Variants in SGCD observed in about 807,000 individuals in gnomAD.
SGCD encodes delta-sarcoglycan.
Under a neutral mutation model 36.6 loss-of-function variants are expected in SGCD, and 18 were observed. That is an observed-to-expected ratio of 0.49 (90% CI 0.34 to 0.73). The LOEUF (loss-of-function observed/expected upper bound fraction) is 0.73. SGCD is among the 30% of genes least tolerant of loss of function. The pLI, the probability that SGCD is intolerant of heterozygous loss-of-function variation, is 0.01. For synonymous variants in SGCD, 133 were observed against 130.6 expected (o/e 1.02, Z -0.12); for missense variants, 387 against 346.7 (o/e 1.12, Z -0.92).
chr5:155,878,434 GT>G (rs1201998271), intron 1 of SGCD, among the ~76,000 whole-genome samples: 41 of 149,100 alleles, frequency 2.7e-4, no homozygotes, highest in South Asian at 8.5e-4. Flanking sequence ...GGGACATCCA[GT>G]TTTTTTTTTC....
intron 3 of SGCD, among the ~76,000 whole-genome samples, chr5:156,229,277 C>CATATACATATATATATATATATATATAT: frequency 1.8e-5 from 1 of 56,502 alleles, no homozygotes; most frequent in African/African-American, 8.0e-5. Context: ...TATATACATA[C>CATATACATATATATATATATATATATAT]ATATATATAT....
At chr5:156,406,036 G>T (rs6881353) in intron 3 of SGCD, among the ~76,000 whole-genome samples, 103,025 of 134,804 alleles carry the variant, frequency 0.76, 40,378 homozygotes, top group African/African-American at 0.92. Flanking sequence ...AAAAAAAAAG[G>T]CCTCTGGGCA....
At chr5:156,610,222 G>T (rs920935996) in intron 6 of SGCD, among the ~76,000 whole-genome samples, 1 of 152,120 alleles carries the variant, frequency 6.6e-6, no homozygotes, top group African/African-American at 2.4e-5. Flanking sequence ...TGGGGTTTTG[G>T]TGTGGATGTC....
the SGCD span, among the ~76,000 whole-genome samples, chr5:155,860,467 C>G: frequency 6.6e-6 from 1 of 152,122 alleles, no homozygotes; most frequent in Non-Finnish European, 1.5e-5. Context: ...GTTACTTTTC[C>G]TAAATATTCT....
At chr5:156,077,003 A>C (rs1303951154) in intron 1 of SGCD, among the ~76,000 whole-genome samples, 1 of 152,216 alleles carries the variant, frequency 6.6e-6, no homozygotes, top group Non-Finnish European at 1.5e-5. Flanking sequence ...TGTATGGAAA[A>C]TATAATTATT....
chr5:156,311,999 A>T (rs1243884565), intron 3 of SGCD, among the ~76,000 whole-genome samples: 2 of 152,202 alleles, frequency 1.3e-5, no homozygotes, highest in African/African-American at 4.8e-5. Context: ...TCCATGCCAT[A>T]GCTAGCTAAG....
At chr5:156,052,630 C>T (rs961084371) in intron 1 of SGCD, among the ~76,000 whole-genome samples, 1 of 145,206 alleles carries the variant, frequency 6.9e-6, no homozygotes, top group Admixed American at 6.9e-5. Flanking sequence ...AAATATATGT[C>T]GTATAAATGA....
In SGCD at chr5:156,438,497, G is replaced by A. The variant is rs539591201; in HGVS notation, c.193-70104G>A. Reference sequence around the variant, plus strand: ...CAGCAGCAAAGACAACAGAGCCAAAGAGAGGTGTTTATGTTTCTACATGGT... The same window carrying A: ...CAGCAGCAAAGACAACAGAGCCAAAAAGAGGTGTTTATGTTTCTACATGGT... On this transcript the variant is annotated intron_variant, in intron 3 of 8. Transcript: ENST00000337851. 2.6e-5 allele frequency among the ~76,000 whole-genome samples: 4 copies of A among 152,208 alleles called. No homozygotes were observed. In the South Asian group the frequency reaches 6.2e-4, roughly 24 times the overall value.
chr5:156,292,678 A>G (rs994001418), intron 3 of SGCD, among the ~76,000 whole-genome samples: 1 of 152,068 alleles, frequency 6.6e-6, no homozygotes, highest in Non-Finnish European at 1.5e-5. Flanking sequence ...AAACCACCAT[A>G]CTATTTTCCA....
At chr5:155,927,892 T>C (rs1224877681) in intron 1 of SGCD, among the ~76,000 whole-genome samples, 1 of 152,214 alleles carries the variant, frequency 6.6e-6, no homozygotes, top group Non-Finnish European at 1.5e-5. Flanking sequence ...TCAGTACTTT[T>C]AGTTTTCTTA....
chr5:156,468,907 G>T (rs1754835387), intron 3 of SGCD, among the ~76,000 whole-genome samples: 1 of 152,174 alleles, frequency 6.6e-6, no homozygotes, highest in East Asian at 1.9e-4. Context: ...CAGGAGAATT[G>T]CTTGAACCTG....
At chr5:156,362,668 T>C (rs1321019983) in intron 3 of SGCD, among the ~76,000 whole-genome samples, 1 of 151,910 alleles carries the variant, frequency 6.6e-6, no homozygotes, top group African/African-American at 2.4e-5. Flanking sequence ...AAAACAGAAA[T>C]AGCATTCCAT....
chr5:156,620,839 G>C (rs1422368742), intron 6 of SGCD, among the ~76,000 whole-genome samples: 1 of 152,196 alleles, frequency 6.6e-6, no homozygotes, highest in Non-Finnish European at 1.5e-5. Flanking sequence ...TCTCAGGGTT[G>C]TGCTAGACCC....
intron 3 of SGCD, among the ~76,000 whole-genome samples, chr5:156,301,454 T>C (rs34433314): frequency 2.0e-5 from 3 of 152,112 alleles, no homozygotes; most frequent in African/African-American, 4.8e-5. Flanking sequence ...TATCTTATTA[T>C]ACTGTCTATG....
intron 3 of SGCD, among the ~76,000 whole-genome samples, chr5:156,356,550 A>G (rs1458874053): frequency 1.3e-5 from 2 of 152,216 alleles, no homozygotes; most frequent in Admixed American, 1.3e-4. Flanking sequence ...ACTCTGCTGT[A>G]GGCAGACACA....
At chr5:156,252,192 C>T (rs1765599162) in intron 3 of SGCD, among the ~76,000 whole-genome samples, 1 of 151,928 alleles carries the variant, frequency 6.6e-6, no homozygotes, top group East Asian at 1.9e-4. Context: ...CTCAGCCTCC[C>T]GAGTATTAAT....
At chr5:156,535,217 C>G (rs73297140) in intron 4 of SGCD, among the ~76,000 whole-genome samples, 2 of 152,106 alleles carry the variant, frequency 1.3e-5, no homozygotes, top group African/African-American at 4.8e-5. Context: ...TACCGGGGCT[C>G]TCTGCTTCTT....
chr5:156,745,722 A>T (rs563261558), intron 7 of SGCD, among the ~76,000 whole-genome samples: 9 of 152,190 alleles, frequency 5.9e-5, no homozygotes, highest in Non-Finnish European at 1.0e-4. Flanking sequence ...ATAAAGACAT[A>T]TAAAAATAAC....
chr5:156,404,710 G>A (rs1362125884), intron 3 of SGCD, among the ~76,000 whole-genome samples: 1 of 152,086 alleles, frequency 6.6e-6, no homozygotes, highest in Non-Finnish European at 1.5e-5. Flanking sequence ...GAAAAAATGG[G>A]TTTGCTGTAA....
Sources: gnomAD v4.1 joint callset for allele counts (sites outside exome capture counted in the v4.1 genomes callset) on GRCh38, gnomAD v4.1.1 for gene constraint, MANE v1.5 for transcripts, NCBI Gene and HGNC (gene_info 2026-07-23, HGNC 2026-07-21) for gene names.